CTNNA2: variants seen among roughly 807,000 people sequenced by gnomAD.
CTNNA2 encodes catenin alpha-2.
CTNNA2 carries 42 observed loss-of-function variants against 101.0 expected under a neutral mutation model. The ratio of observed to expected loss-of-function variants is 0.42; its 90% CI spans 0.32 to 0.54. The LOEUF is 0.54. Ranked by LOEUF, CTNNA2 falls within the 20% of genes least tolerant of loss-of-function variation. The pLI is 0.14. For missense variants in CTNNA2, 871 were observed against 1,223.1 expected, an observed-to-expected ratio of 0.71 and a Z score of 4.29; for synonymous variants, 450 against 456.4, an observed-to-expected ratio of 0.99 and a Z score of 0.18.
intron 9 of CTNNA2, among the ~76,000 whole-genome samples, chr2:80,463,350 T>C (rs1302666706): frequency 6.6e-6 from 1 of 152,194 alleles, no homozygotes; most frequent in Non-Finnish European, 1.5e-5. Context: ...TTCATTAAGG[T>C]AGTACTTTGT....
At chr2:79,582,073 G>C (rs1676183070) in intron 1 of CTNNA2, among the ~76,000 whole-genome samples, 1 of 152,244 alleles carries the variant, frequency 6.6e-6, no homozygotes, top group East Asian at 1.9e-4. Flanking sequence ...TTCTGGACTA[G>C]TTAAGAATGT....
intron 9 of CTNNA2, among the ~76,000 whole-genome samples, chr2:80,508,367 C>A (rs1410173655): frequency 6.6e-6 from 1 of 152,086 alleles, no homozygotes; most frequent in Non-Finnish European, 1.5e-5. Flanking sequence ...CACCTGTAAT[C>A]CCAGCTACTC....
At chr2:80,397,396 T>TA in intron 8 of CTNNA2, among the ~76,000 whole-genome samples, 1 of 152,294 alleles carries the variant, frequency 6.6e-6, no homozygotes, top group Admixed American at 6.5e-5. Flanking sequence ...CCGTACCTGA[T>TA]ATGGTTTGGC....
chr2:79,938,244 A>G (rs776712665), intron 7 of CTNNA2, among the ~76,000 whole-genome samples: 50 of 152,202 alleles, frequency 3.3e-4, no homozygotes, highest in Non-Finnish European at 6.0e-4. Context: ...TAGATATGTA[A>G]TAATATGAAT....
chr2:79,936,271 AC>A (rs1236472989), intron 7 of CTNNA2, among the ~76,000 whole-genome samples: 1 of 143,486 alleles, frequency 7.0e-6, no homozygotes, highest in African/African-American at 2.6e-5. Flanking sequence ...CTCTGTAGTC[AC>A]CCAGAGAATT....
chr2:79,397,982 A>G (rs1467613112), intron 4 of CTNNA2, among the ~76,000 whole-genome samples: 1 of 152,196 alleles, frequency 6.6e-6, no homozygotes, highest in Non-Finnish European at 1.5e-5. Flanking sequence ...GGATGAATAA[A>G]TAGATGGACG....
At chr2:80,489,900 C>T (rs865856320) in intron 9 of CTNNA2, among the ~76,000 whole-genome samples, 11 of 152,108 alleles carry the variant, frequency 7.2e-5, no homozygotes, top group African/African-American at 2.4e-4. Flanking sequence ...TGAGGTCACA[C>T]GGGTCCTGAA....
intron 16 of CTNNA2, among the ~76,000 whole-genome samples, chr2:80,606,411 C>T (rs777183560): frequency 4.0e-3 from 175 of 44,058 alleles, no homozygotes; most frequent in Non-Finnish European, 6.2e-3. Flanking sequence ...CACACACACA[C>T]ACCCCCCAGG....
intron 4 of CTNNA2, among the ~76,000 whole-genome samples, chr2:79,380,987 A>C (rs1573138242): frequency 6.6e-6 from 1 of 152,354 alleles, no homozygotes; most frequent in African/African-American, 2.4e-5. Flanking sequence ...AAGAAAAGTT[A>C]GAAAACAGGT....
chr2:80,157,483 G>A (rs1704055337), intron 7 of CTNNA2, among the ~76,000 whole-genome samples: 1 of 152,140 alleles, frequency 6.6e-6, no homozygotes, highest in Non-Finnish European at 1.5e-5. Flanking sequence ...CTGCCTGTTA[G>A]ATGTGTGTAT....
chr2:79,486,716 C>T, intron 4 of CTNNA2, among the ~76,000 whole-genome samples: 2 of 152,172 alleles, frequency 1.3e-5, no homozygotes, highest in East Asian at 3.9e-4. Flanking sequence ...TCCTATTTCT[C>T]CACATCCTCT....
At chr2:79,559,292 A>C (rs1323976902) in intron 1 of CTNNA2, among the ~76,000 whole-genome samples, 7 of 151,866 alleles carry the variant, frequency 4.6e-5, no homozygotes, top group African/African-American at 1.7e-4. Flanking sequence ...GTTTATGTGA[A>C]TCACTTGGGA....
intron 3 of CTNNA2, among the ~76,000 whole-genome samples, chr2:79,824,736 A>G (rs576249481): frequency 4.1e-4 from 62 of 152,322 alleles, no homozygotes; most frequent in African/African-American, 1.4e-3. Context: ...GATGCCTAAA[A>G]ATCAATATGA....
intron 7 of CTNNA2, among the ~76,000 whole-genome samples, chr2:80,011,953 C>T (rs1693820235): frequency 6.6e-6 from 1 of 152,136 alleles, no homozygotes; most frequent in Non-Finnish European, 1.5e-5. Context: ...AGGATGGGGG[C>T]ACTTCAGTAC....
At chr2:79,196,271 C>A (rs1021850994) in intron 1 of CTNNA2, among the ~76,000 whole-genome samples, 4 of 152,142 alleles carry the variant, frequency 2.6e-5, no homozygotes, top group Non-Finnish European at 5.9e-5. Flanking sequence ...AAATGCATTT[C>A]TCTTAGGCCT....
chr2:79,810,526 C>CTTT (rs58252886), intron 3 of CTNNA2, among the ~76,000 whole-genome samples: 16 of 143,244 alleles, frequency 1.1e-4, no homozygotes, highest in African/African-American at 4.1e-4. Flanking sequence ...CTTTTCTTTT[C>CTTT]TTTTTTTTTT....
At chr2:80,539,285 C>CA (rs1358129168) in intron 9 of CTNNA2, among the ~76,000 whole-genome samples, 1 of 145,960 alleles carries the variant, frequency 6.9e-6, no homozygotes, top group African/African-American at 2.5e-5. Context: ...TTACTTTCTT[C>CA]AAAAAATAGG....
chr2:79,625,156 CT>C, intron 1 of CTNNA2, among the ~76,000 whole-genome samples: 1 of 152,168 alleles, frequency 6.6e-6, no homozygotes, highest in Admixed American at 6.5e-5. Flanking sequence ...ACTTTAAGTA[CT>C]TCAGTGTTAC....
At chr2:80,124,397 A>G (rs1702006421) in intron 7 of CTNNA2, among the ~76,000 whole-genome samples, 1 of 152,104 alleles carries the variant, frequency 6.6e-6, no homozygotes, top group Non-Finnish European at 1.5e-5. Flanking sequence ...TTTTGTCCCC[A>G]TTTTACCAGT....
Sources: allele counts gnomAD v4.1 joint callset (sites outside exome capture counted in the v4.1 genomes callset), GRCh38; gene constraint gnomAD v4.1.1; transcripts MANE v1.5; gene names NCBI Gene and HGNC (gene_info 2026-07-23, HGNC 2026-07-21).